Variants in C4orf50 observed in about 807,000 individuals in gnomAD.
C4orf50 encodes the protein chromosome 4 open reading frame 50, also known as uncharacterized protein C4orf50.
In C4orf50, 80 loss-of-function variants were observed where a neutral mutation model predicts 77.2. The observed-to-expected ratio is 1.04, with a 90% CI of 0.87 to 1.25. The LOEUF (loss-of-function observed/expected upper bound fraction) is 1.25, where lower values mean the gene tolerates loss of function less well. C4orf50 is among the 50% of genes most tolerant of loss of function. The pLI is 0.00. For missense variants in C4orf50, 1,257 were observed against 1,152.9 expected, an observed-to-expected ratio of 1.09 and a Z score of -1.31; for synonymous variants, 532 against 465.3, an observed-to-expected ratio of 1.14 and a Z score of -1.84.
At chr4:5,963,072 G>A (rs976766373) in intron 33 of C4orf50, among the ~76,000 whole-genome samples, 3 of 150,486 alleles carry the variant, frequency 2.0e-5, no homozygotes, top group African/African-American at 7.4e-5. Flanking sequence ...CACGATCTTG[G>A]CTCACTACAA....
chr4:5,983,857 C>T (rs956844927), intron 28 of C4orf50, among the ~76,000 whole-genome samples: 2 of 151,078 alleles, frequency 1.3e-5, no homozygotes, highest in African/African-American at 4.9e-5. Context: ...GAATGAAAGT[C>T]CAAATACTGT....
chr4:6,018,333 C>A lies in C4orf50; in HGVS notation c.99G>T (p.Lys33Asn), dbSNP rs527379462. 6 of 399,000 alleles carry A rather than the reference C, an allele frequency of 1.5e-5. No individual in the cohort carries two copies. The highest frequency in any genetic ancestry group is 1.4e-4 in the East Asian group (4 of 28,060). 24.7% of individuals were successfully genotyped at this position (399,000 alleles called of 1,614,324 possible). A position where few individuals can be genotyped will look rare whatever the true frequency, so the allele number is the denominator to read the frequency against. ...CCTGGAATATCCAGGATGTGTCAAT[C>A]TTCACATCAACGTTCATTATGTCGA... The change falls in exon 23 of 34, where the codon AAG becomes AAT. Residue 33 changes from lysine (K) to asparagine (N), a missense_variant. Coordinates refer to ENST00000531445, the Ensembl canonical transcript of C4orf50. The surrounding 1 kb of genome is among the most constrained non-coding windows in gnomAD (Gnocchi z 5.1).
At chr4:5,914,349 C>A (rs573862907) in intron 7 of C4orf50, among the ~76,000 whole-genome samples, 1 of 151,788 alleles carries the variant, frequency 6.6e-6, no homozygotes, top group African/African-American at 2.4e-5. Context: ...GGACTATAGG[C>A]GCCTGCCACC....
In C4orf50 at chr4:5,905,267, G is replaced by A. The variant is rs1023874986; in HGVS notation, c.*2475-7079C>T. ...CAGCCATCTCTTGGGTCCCCAGGTT[G>A]GTATCATACAGAGTAGAAGTATTCC... is the stretch of plus-strand genomic sequence containing the variant. On this transcript the variant is annotated intron_variant, in intron 7 of 7. Coordinates refer to the C4orf50 transcript ENST00000324058. The surrounding 1 kb of genome is among the most constrained non-coding windows in gnomAD (Gnocchi z 5.4). 6.6e-6 allele frequency: 1 copy of A among 152,136 alleles called. No homozygotes were observed. Among genetic ancestry groups the A allele is most frequent in the African/African-American group, 2.4e-5 (1 of 41,410 alleles). 9.4% of individuals were successfully genotyped at this position (152,136 alleles called of 1,614,324 possible). A position where few individuals can be genotyped will look rare whatever the true frequency, so the allele number is the denominator to read the frequency against.
intron 7 of C4orf50, among the ~76,000 whole-genome samples, chr4:5,933,758 C>G (rs1045697260): frequency 5.3e-5 from 8 of 152,162 alleles, no homozygotes; most frequent in Non-Finnish European, 1.2e-4. Flanking sequence ...CCCAGACCCC[C>G]TTGAAGGACA....
rs1438141155 is a variant in C4orf50 at position 6,009,008 on chromosome 4, T to G, written c.427-476A>C. Among the ~76,000 whole-genome samples, 1 of 152,138 alleles carries G rather than the reference T, an allele frequency of 6.6e-6. No homozygotes were observed. Among genetic ancestry groups the G allele is most frequent in the East Asian group, 1.9e-4 (1 of 5,184 alleles). The stretch of plus-strand genomic sequence containing the variant: ...CCCAGGGTCAGCTGGCCCCAGCAGG[T>G]GAGTCGCAATACCAGTGCCACAGCA... On this transcript the variant is annotated intron_variant, in intron 24 of 33. Transcript: ENST00000531445. This position sits in a 1 kb window ranked among gnomAD's most constrained non-coding sequence, Gnocchi z 5.6.
intron 7 of C4orf50, among the ~76,000 whole-genome samples, chr4:5,935,253 C>T (rs111834972): frequency 1.5e-4 from 23 of 152,286 alleles, no homozygotes; most frequent in African/African-American, 2.6e-4. Flanking sequence ...TCGACATGGA[C>T]GCAGACAGAG....
exon 29 of C4orf50, chr4:5,980,315 A>G (rs1438494627): frequency 2.5e-6 from 4 of 1,611,556 alleles, no homozygotes; most frequent in Non-Finnish European, 2.5e-6. Flanking sequence ...CCTCCTCAGT[A>G]ACCTCGGCCT....
chr4:5,967,415 T>C (rs1719640540), exon 32 of C4orf50: 1 of 1,613,262 alleles, frequency 6.2e-7, no homozygotes. Flanking sequence ...CACACTGACC[T>C]CTTAAAGCTG....
intron 7 of C4orf50, among the ~76,000 whole-genome samples, chr4:5,947,393 G>A (rs1373730638): frequency 1.3e-5 from 2 of 152,166 alleles, no homozygotes; most frequent in South Asian, 2.1e-4. Flanking sequence ...TAGATGAGGT[G>A]GCTGATGAGA....
chr4:5,947,927 G>T (rs1376910497), intron 7 of C4orf50, among the ~76,000 whole-genome samples: 1 of 152,194 alleles, frequency 6.6e-6, no homozygotes, highest in African/African-American at 2.4e-5. Flanking sequence ...GAGATCAGAC[G>T]CATCCAGATG....
intron 25 of C4orf50, among the ~76,000 whole-genome samples, chr4:5,999,221 A>T (rs1721724474): frequency 6.6e-6 from 1 of 152,190 alleles, no homozygotes; most frequent in Non-Finnish European, 1.5e-5. Context: ...CACATCAGAC[A>T]TAGCCAAGGG....
Position 5,999,355 on chromosome 4 carries a change from A to G in C4orf50, c.964-4879T>C, listed in dbSNP as rs752388238. 5.3e-5 allele frequency among the ~76,000 whole-genome samples: 8 copies of G among 152,260 alleles called. No individual in the cohort carries two copies. The South Asian group carries it at 6.2e-4, about 12-fold the overall frequency. On this transcript the variant is annotated intron_variant, in intron 25 of 33. Coordinates refer to ENST00000531445, the Ensembl canonical transcript of C4orf50. ...CTGCAAAATGAGAATCCATAACTCT[A>G]CCACCTCATAAGCTTGTTGTGGGGA...
intron 25 of C4orf50, among the ~76,000 whole-genome samples, chr4:6,002,678 G>A (rs1053044887): frequency 6.6e-6 from 1 of 152,170 alleles, no homozygotes. Context: ...TCAGATCCCT[G>A]GCAGCCTGAC....
At chr4:6,003,175 G>T (rs1721912565) in intron 25 of C4orf50, among the ~76,000 whole-genome samples, 1 of 152,220 alleles carries the variant, frequency 6.6e-6, no homozygotes, top group African/African-American at 2.4e-5. Flanking sequence ...AGGCTGCTGG[G>T]ACACAGGAGC....
chr4:5,964,007 T>C (rs986033637), intron 33 of C4orf50, among the ~76,000 whole-genome samples: 1 of 138,676 alleles, frequency 7.2e-6, no homozygotes, highest in Non-Finnish European at 1.5e-5. Context: ...CTGCAGTATG[T>C]GCAACTAGAA....
chr4:5,941,782 A>G (rs1455417661), intron 7 of C4orf50, among the ~76,000 whole-genome samples: 1 of 151,998 alleles, frequency 6.6e-6, no homozygotes, highest in Non-Finnish European at 1.5e-5. Flanking sequence ...AAGGTCACAC[A>G]GGGATTGGAA....
chr4:5,996,863 C>T (rs1577982538), intron 25 of C4orf50, among the ~76,000 whole-genome samples: 1 of 152,238 alleles, frequency 6.6e-6, no homozygotes, highest in African/African-American at 2.4e-5. Context: ...CTGCAGCTGT[C>T]CCACGTTCTC....
At chr4:5,928,802 G>A (rs1271774938) in intron 7 of C4orf50, among the ~76,000 whole-genome samples, 1 of 152,138 alleles carries the variant, frequency 6.6e-6, no homozygotes, top group East Asian at 1.9e-4. Context: ...CCCTACTAGA[G>A]ATGTTTTAGG....
Sources: allele counts gnomAD v4.1 joint callset (sites outside exome capture counted in the v4.1 genomes callset), GRCh38; gene constraint gnomAD v4.1.1; non-coding constraint Gnocchi (gnomAD v3.1); transcripts MANE v1.5; gene names NCBI Gene and HGNC (gene_info 2026-07-23, HGNC 2026-07-21).